The following TMEM209 variants were observed in gnomAD, a reference collection of about 807,000 sequenced individuals.
TMEM209 encodes transmembrane protein 209.
Under a neutral mutation model 76.2 loss-of-function variants are expected in TMEM209, and 65 were observed. The ratio of observed to expected loss-of-function variants is 0.85; its 90% CI spans 0.70 to 1.05. TMEM209 has a LOEUF of 1.05. TMEM209 is among the 50% of genes least tolerant of loss of function. The pLI is 0.00. For missense variants in TMEM209, 623 were observed against 685.5 expected (o/e 0.91, Z 1.02); for synonymous variants, 239 against 237.6 (o/e 1.01, Z -0.06).
At position 130,178,274 on chromosome 7, in the gene TMEM209, TA is replaced by T; in HGVS notation, c.1246+127del. 7 of 926,420 alleles carry T rather than the reference TA, an allele frequency of 7.6e-6. No homozygotes were observed. In the South Asian group the frequency reaches 7.9e-5, roughly 11 times the overall value. The allele number at this position is 926,420 out of a possible 1,614,324, so 57.4% of individuals were successfully genotyped here. On this transcript the variant is annotated intron_variant, in intron 10 of 14. Transcript: ENST00000397622. ...CCTACACAAAATAAAGTTATTAAGC[TA>T]TAATTAATACGTATTTATAAGACAT...
chr7:130,167,746 A>G (rs1243703780), intron 14 of TMEM209, among the ~76,000 whole-genome samples: 3 of 152,118 alleles, frequency 2.0e-5, no homozygotes, highest in Non-Finnish European at 4.4e-5. Flanking sequence ...CTGCACAAAT[A>G]CCTGACATTA....
At chr7:130,170,021 G>C (rs1418496602) in intron 14 of TMEM209, among the ~76,000 whole-genome samples, 2 of 152,018 alleles carry the variant, frequency 1.3e-5, no homozygotes, top group Admixed American at 6.6e-5. Context: ...TACCGACTCT[G>C]TCTCTCTGGA....
chr7:130,178,421 G>A lies in TMEM209; in HGVS notation c.1227C>T (p.Tyr409=). Residue 409 remains tyrosine, a synonymous_variant, in exon 10 of 15, where the codon TAC becomes TAT. Coordinates refer to ENST00000397622, the MANE Select transcript of TMEM209 (RefSeq NM_032842.4). The part of the protein sequence containing the change: ...QYLDLTPNQE[Y]LFERIKELSQ... ...AATTACCTTTGATCCTTTCAAACAA[G>A]TATTCCTGATTTGGAGTAAGGTCTA... 15 of 1,611,882 alleles carry A rather than the reference G, an allele frequency of 9.3e-6. No homozygotes were observed. The highest frequency in any genetic ancestry group is 1.3e-5 in the Non-Finnish European group (15 of 1,178,828).
rs778293922 is a variant in TMEM209 at position 130,202,678 on chromosome 7, T to C, written c.200-15A>G. On this transcript the variant is annotated splice_polypyrimidine_tract_variant and intron_variant, in intron 3 of 14. Coordinates refer to ENST00000397622, the MANE Select transcript of TMEM209 (RefSeq NM_032842.4). ...AAGGGCAAGCTCTGGAAGAGAACAATTTTTTTTTAATAAGGGGGGTGAGGA... is the reference window on the plus strand; with the variant it reads ...AAGGGCAAGCTCTGGAAGAGAACAACTTTTTTTTAATAAGGGGGGTGAGGA... The C allele has an allele frequency of 2.5e-4, 399 of 1,571,476 alleles. No individual in the cohort carries two copies. The highest frequency in any genetic ancestry group is 3.3e-4 in the Non-Finnish European group (384 of 1,157,614).
At chr7:130,193,655 T>C (rs1241492558) in intron 5 of TMEM209, among the ~76,000 whole-genome samples, 1 of 152,024 alleles carries the variant, frequency 6.6e-6, no homozygotes, top group Non-Finnish European at 1.5e-5. Context: ...TGATTCTAAG[T>C]ACATGACGTT....
At position 130,183,045 on chromosome 7, in the gene TMEM209, C is replaced by G. The variant is rs1797476855; in HGVS notation, c.1023+1139G>C. ...AATCCAAAAACTCTAAATTTTATAG[C>G]ACATGGTCACCTAGGGACTTCAGAT... On this transcript the variant is annotated intron_variant, in intron 8 of 14. Transcript: ENST00000397622. Among the ~76,000 whole-genome samples, 4 of 152,192 alleles carry G rather than the reference C, an allele frequency of 2.6e-5. 1 individual carries two copies. In the South Asian group the frequency reaches 6.2e-4, roughly 24 times the overall value.
intron 6 of TMEM209, among the ~76,000 whole-genome samples, chr7:130,191,456 G>A (rs924249753): frequency 1.3e-5 from 2 of 152,076 alleles, no homozygotes; most frequent in African/African-American, 4.8e-5. Context: ...AAGTGTGACA[G>A]TGAACAAATA....
chr7:130,171,354 G>A (rs894147322), intron 13 of TMEM209, among the ~76,000 whole-genome samples: 4 of 152,124 alleles, frequency 2.6e-5, no homozygotes. Flanking sequence ...TTTTTGGTCT[G>A]TAAAAACAGC....
chr7:130,182,277 T>A (rs1003301333), intron 8 of TMEM209, among the ~76,000 whole-genome samples: 2 of 152,158 alleles, frequency 1.3e-5, no homozygotes, highest in African/African-American at 4.8e-5. Context: ...GTTTTTATTT[T>A]TTTTCCTGAA....
chr7:130,190,151 C>G (rs1405317691), intron 6 of TMEM209, among the ~76,000 whole-genome samples: 1 of 152,078 alleles, frequency 6.6e-6, no homozygotes, highest in Non-Finnish European at 1.5e-5. Flanking sequence ...TACAGAATAC[C>G]AACAAATAAA....
intron 5 of TMEM209, among the ~76,000 whole-genome samples, chr7:130,196,823 C>T (rs1438883984): frequency 6.6e-6 from 1 of 152,148 alleles, no homozygotes; most frequent in African/African-American, 2.4e-5. Context: ...TTTTTAATGG[C>T]AGCCCAAGCA....
In TMEM209 at chr7:130,181,716, T is replaced by C; in HGVS notation, c.1027A>G (p.Ile343Val). 6.2e-7 allele frequency: 1 copy of C among 1,605,122 alleles called. No homozygotes were observed. Among genetic ancestry groups the C allele is most frequent in the Non-Finnish European group, 8.5e-7 (1 of 1,175,316 alleles). Residue 343 changes from isoleucine to valine, a missense_variant, in exon 9 of 15, where the codon ATC becomes GTC. Ile to Val is a conservative substitution (Grantham distance 29). Coordinates refer to ENST00000397622, the MANE Select transcript of TMEM209 (RefSeq NM_032842.4). ...DSWTAKFRNW[I>V]NETILVPLVQ... Reference sequence around the variant, plus strand: ...AGTGGCACTAATATTGTCTCATTGATCCACTAGAAGAAATAAGGTACAGAT... The same window carrying C: ...AGTGGCACTAATATTGTCTCATTGACCCACTAGAAGAAATAAGGTACAGAT...
At chr7:130,193,558 T>C (rs1437457372) in intron 5 of TMEM209, among the ~76,000 whole-genome samples, 1 of 147,138 alleles carries the variant, frequency 6.8e-6, no homozygotes, top group African/African-American at 2.5e-5. Context: ...AAAAAAAAAG[T>C]GAGCTATCAA....
intron 10 of TMEM209, among the ~76,000 whole-genome samples, chr7:130,177,690 T>C (rs1797283175): frequency 6.6e-6 from 1 of 152,160 alleles, no homozygotes; most frequent in Non-Finnish European, 1.5e-5. Flanking sequence ...TAGTGATTGT[T>C]GAGGCTGGGT....
chr7:130,183,317 T>A (rs17164719), intron 8 of TMEM209, among the ~76,000 whole-genome samples: 2,300 of 152,202 alleles, frequency 0.015, 67 homozygotes, highest in African/African-American at 0.053. Flanking sequence ...ACCTAACGTG[T>A]CCCAGAGAGA....
intron 1 of TMEM209, chr7:130,205,105 CA>C: frequency 7.1e-7 from 1 of 1,413,434 alleles, no homozygotes; most frequent in Non-Finnish European, 9.2e-7. Flanking sequence ...GTTCCAGCGA[CA>C]AGCAGTCGTA....
At chr7:130,194,036 A>G (rs1485647231) in intron 5 of TMEM209, among the ~76,000 whole-genome samples, 2 of 151,736 alleles carry the variant, frequency 1.3e-5, no homozygotes, top group Non-Finnish European at 2.9e-5. Flanking sequence ...GTCTCTACTA[A>G]AAGTACAAAA....
chr7:130,184,183 C>T lies in TMEM209; in HGVS notation c.1023+1G>A. 1 of 1,600,632 alleles carries T rather than the reference C, an allele frequency of 6.2e-7. No individual in the cohort carries two copies. Among genetic ancestry groups the T allele is most frequent in the South Asian group, 1.1e-5 (1 of 88,406 alleles). ...GTCCAAAGAGTAATGTCAGAACTTA[C>T]ATTTCTAAATTTAGCTGTCCATGAA... On this transcript the variant is annotated splice_donor_variant, in intron 8 of 14. Coordinates refer to ENST00000397622, the MANE Select transcript of TMEM209 (RefSeq NM_032842.4). LOFTEE classifies it high-confidence loss of function.
intron 10 of TMEM209, 121 bp downstream of exon 10, chr7:130,178,281 A>T: frequency 1.0e-6 from 1 of 954,762 alleles, no homozygotes; most frequent in Non-Finnish European, 1.5e-6. Flanking sequence ...AGCTATAATT[A>T]ATACGTATTT....
Sources: gnomAD v4.1 joint callset for allele counts (sites outside exome capture counted in the v4.1 genomes callset) on GRCh38, gnomAD v4.1.1 for gene constraint, MANE v1.5 for transcripts, NCBI Gene and HGNC (gene_info 2026-07-23, HGNC 2026-07-21) for gene names.